KCNV2: variants seen among roughly 807,000 people sequenced by gnomAD.
KCNV2 encodes potassium voltage-gated channel subfamily V member 2.
KCNV2 carries 65 observed loss-of-function variants against 37.0 expected under a neutral mutation model. The observed-to-expected ratio is 1.76, with a 90% CI of 1.44 to 2.16. The LOEUF (loss-of-function observed/expected upper bound fraction) is 2.16, where lower values mean the gene tolerates loss of function less well. Among genes scored for constraint, KCNV2 ranks in the 30% most tolerant of loss-of-function variants. The probability of loss-of-function intolerance (pLI) is 0.00; values close to 1 mark genes in which losing one functional copy is unlikely to be tolerated. For synonymous variants in KCNV2, 518 were observed against 328.6 expected (o/e 1.58, Z -6.23); for missense variants, 1,232 against 766.7 (o/e 1.61, Z -7.17).
intron 1 of KCNV2, among the ~76,000 whole-genome samples, chr9:2,722,705 C>T (rs1343233980): frequency 1.3e-5 from 2 of 151,844 alleles, no homozygotes; most frequent in East Asian, 3.9e-4. Flanking sequence ...CTTAAAACAT[C>T]AAGCGTTTAT....
chr9:2,725,860 A>G (rs1259131563), intron 1 of KCNV2, among the ~76,000 whole-genome samples: 3 of 152,188 alleles, frequency 2.0e-5, no homozygotes, highest in Non-Finnish European at 4.4e-5. Flanking sequence ...AGTTTTGGAG[A>G]AAAATTTGAT....
chr9:2,721,359 C>T (rs1052755649), intron 1 of KCNV2, among the ~76,000 whole-genome samples: 1 of 152,216 alleles, frequency 6.6e-6, no homozygotes, highest in Non-Finnish European at 1.5e-5. Flanking sequence ...TAAGACCGCT[C>T]TGTTCCCCAG....
In KCNV2 at chr9:2,729,514, C is replaced by G; in HGVS notation, c.1425C>G (p.Phe475Leu). 1 of 1,614,112 alleles carries G rather than the reference C, an allele frequency of 6.2e-7. No homozygotes were observed. Among genetic ancestry groups the G allele is most frequent in the Non-Finnish European group, 8.5e-7 (1 of 1,180,012 alleles). The change falls in exon 2 of 2, where the codon TTC (phenylalanine) becomes TTG (leucine). Residue 475 changes from phenylalanine (F) to leucine (L), a missense_variant. Physicochemically the swap from Phe to Leu is conservative, Grantham distance 22. Transcript: ENST00000382082. ...CCCACCTGGGCAGGTTTTTTGCCTT[C>G]CTCTGCATTGCTTTTGGGATCATTC... ...PETHLGRFFA[F>L]LCIAFGIILN... is the part of the protein sequence containing the mutation.
intron 1 of KCNV2, among the ~76,000 whole-genome samples, chr9:2,723,913 A>G (rs1242619246): frequency 2.0e-5 from 3 of 151,046 alleles, no homozygotes; most frequent in Non-Finnish European, 4.4e-5. Flanking sequence ...GGGCTCTATG[A>G]TGAAGCTGTA....
chr9:2,718,151 C>T lies in KCNV2; in HGVS notation c.412C>T (p.Leu138=), dbSNP rs779113871. 6.8e-6 allele frequency: 11 copies of T among 1,611,748 alleles called. No individual in the cohort carries two copies. In the Admixed American group the frequency reaches 1.7e-4, roughly 25 times the overall value. The change falls in exon 1 of 2, where the codon CTG becomes TTG. Residue 138 remains leucine (L), a synonymous_variant. Transcript: ENST00000382082. ...TSTSRSRQLS[L]CDDYEEQTDE... is the part of the protein sequence containing the mutation. The stretch of plus-strand genomic sequence containing the variant: ...CACCAGCCGCAGCCGCCAGCTAAGC[C>T]TGTGCGACGACTACGAGGAGCAGAC...
intron 1 of KCNV2, among the ~76,000 whole-genome samples, chr9:2,723,737 AAAAG>A (rs1417992082): frequency 6.6e-6 from 1 of 152,212 alleles, no homozygotes; most frequent in Non-Finnish European, 1.5e-5. Context: ...TCTACTGAGG[AAAAG>A]AAAGAACCTA....
Position 2,718,869 on chromosome 9 carries a change from G to A in KCNV2, c.1130G>A (p.Arg377His), listed in dbSNP as rs771741178. The A allele has an allele frequency of 1.1e-5, 17 of 1,608,836 alleles. No individual in the cohort carries two copies. In the South Asian group the frequency reaches 1.3e-4, roughly 12 times the overall value. ...GTGGGTAAGGTGGGTCAGGTGTTGC[G>A]CGTCATGCGCCTCATGCGCATCTTC... Reference protein sequence around the residue: ...GSVGKVGQVLRVMRLMRIFRI... With the variant: ...GSVGKVGQVLHVMRLMRIFRI... Residue 377 changes from arginine (R) to histidine (H), a missense_variant, in exon 1 of 2, where the codon CGC becomes CAC. Arg to His is a conservative substitution (Grantham distance 29). Transcript: ENST00000382082.
chr9:2,727,775 A>T (rs937878625), intron 1 of KCNV2, among the ~76,000 whole-genome samples: 1 of 152,250 alleles, frequency 6.6e-6, no homozygotes, highest in Non-Finnish European at 1.5e-5. Flanking sequence ...TTCAATTCCT[A>T]TAACAACTCT....
chr9:2,728,937 C>A (rs1820015709), intron 1 of KCNV2, among the ~76,000 whole-genome samples: 1 of 151,140 alleles, frequency 6.6e-6, no homozygotes, highest in Non-Finnish European at 1.5e-5. Context: ...GAAGGTTTTG[C>A]CCCAGGTCAC....
chr9:2,723,854 T>C (rs1819923826), intron 1 of KCNV2, among the ~76,000 whole-genome samples: 1 of 152,164 alleles, frequency 6.6e-6, no homozygotes, highest in South Asian at 2.1e-4. Flanking sequence ...TGGGGCTCTC[T>C]GGATTGCCTG....
Position 2,717,669 on chromosome 9 carries a change from G to C in KCNV2, c.-71G>C. Reference sequence around the variant, plus strand: ...GCAGGCCACGTGATCCATCCTCCTAGAGGCAGTGAGCAGGTGAGGGACCCC... The same window carrying C: ...GCAGGCCACGTGATCCATCCTCCTACAGGCAGTGAGCAGGTGAGGGACCCC... On this transcript the variant is annotated 5_prime_UTR_variant, in exon 1 of 2. Coordinates refer to ENST00000382082, the MANE Select transcript of KCNV2 (RefSeq NM_133497.4). 6.3e-7 allele frequency: 1 copy of C among 1,595,312 alleles called. No homozygotes were observed. The highest frequency in any genetic ancestry group is 8.6e-7 in the Non-Finnish European group (1 of 1,164,206).
intron 1 of KCNV2, among the ~76,000 whole-genome samples, chr9:2,728,808 G>A (rs1476390398): frequency 6.6e-6 from 1 of 150,930 alleles, no homozygotes; most frequent in Non-Finnish European, 1.5e-5. Context: ...ACTGTGTTCA[G>A]TGCTTTATAT....
At chr9:2,728,489 G>C (rs1820004377) in intron 1 of KCNV2, among the ~76,000 whole-genome samples, 1 of 152,110 alleles carries the variant, frequency 6.6e-6, no homozygotes, top group East Asian at 1.9e-4. Context: ...CTAGTCCCAT[G>C]GTATCTGCAT....
At position 2,722,246 on chromosome 9, in the gene KCNV2, GTTAT is replaced by G. The variant is rs985003312; in HGVS notation, c.1356+3159_1356+3162del. 5.9e-5 allele frequency among the ~76,000 whole-genome samples: 8 copies of G among 136,714 alleles called. 3 individuals carry two copies. The highest frequency in any genetic ancestry group is 6.3e-5 in the Non-Finnish European group (4 of 63,700). The allele number at this position is 136,714 out of a possible 152,430, so 89.7% of individuals were successfully genotyped here. A position where few individuals can be genotyped will look rare whatever the true frequency, so the allele number is the denominator to read the frequency against. ...TTATTTATTTATAAATAAATTAGAA[GTTAT>G]TTATTTACAAATTAGAAGTTATTTA... On this transcript the variant is annotated intron_variant, in intron 1 of 1. Coordinates refer to ENST00000382082, the MANE Select transcript of KCNV2 (RefSeq NM_133497.4).
Position 2,718,297 on chromosome 9 carries a change from C to T in KCNV2, c.558C>T (p.Gly186=). 6.2e-7 allele frequency: 1 copy of T among 1,610,384 alleles called. No individual in the cohort carries two copies. The highest frequency in any genetic ancestry group is 1.1e-5 in the South Asian group (1 of 90,810). The change falls in exon 1 of 2, where the codon GGC becomes GGT. Residue 186 remains glycine (G), a synonymous_variant. Coordinates refer to ENST00000382082, the MANE Select transcript of KCNV2 (RefSeq NM_133497.4). ...CGCGCCGCTTCCTGGAGGAGCTGGGCTACTGGGGCGTGCGGCTCAAGTACA... is the reference window on the plus strand; with the variant it reads ...CGCGCCGCTTCCTGGAGGAGCTGGGTTACTGGGGCGTGCGGCTCAAGTACA... ...LCPRRFLEEL[G]YWGVRLKYTP...
rs534563578 is a variant in KCNV2 at position 2,718,848 on chromosome 9, G to A, written c.1109G>A (p.Gly370Asp). ...HQRGQTVGSV[G>D]KVGQVLRVMR... is the part of the protein sequence containing the mutation. The stretch of plus-strand genomic sequence containing the variant: ...CGCGGCCAGACGGTGGGCAGCGTGG[G>A]TAAGGTGGGTCAGGTGTTGCGCGTC... The change falls in exon 1 of 2, where the codon GGT (glycine) becomes GAT (aspartate). Residue 370 changes from glycine to aspartate, a missense_variant. Physicochemically the swap from Gly to Asp is moderately conservative, Grantham distance 94 (BLOSUM62 -1). Transcript: ENST00000382082. The A allele has an allele frequency of 7.0e-5, 113 of 1,609,404 alleles. 1 individual carries two copies. The South Asian group carries it at 1.2e-3, about 17-fold the overall frequency.
At chr9:2,724,902 A>G (rs546378154) in intron 1 of KCNV2, among the ~76,000 whole-genome samples, 13 of 152,358 alleles carry the variant, frequency 8.5e-5, no homozygotes, top group African/African-American at 3.1e-4. Context: ...ACATATAAAT[A>G]TCTGGCACAG....
intron 1 of KCNV2, among the ~76,000 whole-genome samples, chr9:2,721,529 A>C (rs564976255): frequency 1.3e-5 from 2 of 152,334 alleles, no homozygotes; most frequent in Admixed American, 1.3e-4. Flanking sequence ...AAGTGAAAAG[A>C]AACAAAACAT....
chr9:2,721,443 T>C (rs1030192789), intron 1 of KCNV2, among the ~76,000 whole-genome samples: 3 of 152,206 alleles, frequency 2.0e-5, no homozygotes, highest in Admixed American at 6.5e-5. Context: ...AAGGTTCATA[T>C]TCTCAATAGA....
Sources: gnomAD v4.1 joint callset for allele counts (sites outside exome capture counted in the v4.1 genomes callset) on GRCh38, gnomAD v4.1.1 for gene constraint, MANE v1.5 for transcripts, NCBI Gene and HGNC (gene_info 2026-07-23, HGNC 2026-07-21) for gene names.